The following STX3 variants were observed in gnomAD, a reference collection of about 807,000 sequenced individuals.
STX3 encodes the protein syntaxin 3.
A neutral mutation model predicts 40.2 loss-of-function variants in STX3; 19 were observed. The observed-to-expected ratio is 0.47, with a 90% CI of 0.33 to 0.69. The LOEUF is 0.69. Among genes scored for constraint, STX3 ranks in the 30% least tolerant of loss-of-function variants. STX3 has a pLI of 0.02. For missense variants in STX3, 364 were observed against 366.7 expected, an observed-to-expected ratio of 0.99 and a Z score of 0.06; for synonymous variants, 122 against 132.2, an observed-to-expected ratio of 0.92 and a Z score of 0.53.
At chr11:59,786,364 C>G (rs546811439) in intron 2 of STX3, among the ~76,000 whole-genome samples, 1 of 150,804 alleles carries the variant, frequency 6.6e-6, no homozygotes, top group African/African-American at 2.4e-5. Context: ...CTCAGCCTCC[C>G]GAGTAGCTGG....
rs963410109 is a variant in STX3, at chr11:59,781,100, T to TTTTATATATA, written c.115-5936_115-5935insTTATATATAT. ...CATTTGTTTTCTTTTTTTTTTTTTT[T>TTTTATATATA]TATATTAGCACAAACACATTTATTT... is the stretch of plus-strand genomic sequence containing the variant. On this transcript the variant is annotated intron_variant, in intron 2 of 10. Coordinates refer to ENST00000337979, the MANE Select transcript of STX3 (RefSeq NM_004177.5). Among the ~76,000 whole-genome samples the TTTTATATATA allele has an allele frequency of 4.5e-3, 653 of 146,352 alleles. 4 individuals are homozygous for TTTTATATATA. The highest frequency in any genetic ancestry group is 6.1e-3 in the African/African-American group (235 of 38,736).
chr11:59,773,303 C>G lies in STX3; in HGVS notation c.114+9C>G, dbSNP rs753186354. Reference sequence around the variant, plus strand: ...ACGAGTTCTTTTCTGAGGTAGGCAACCTTCCTGTATTTTTTTCTAAATGTA... The same window carrying G: ...ACGAGTTCTTTTCTGAGGTAGGCAAGCTTCCTGTATTTTTTTCTAAATGTA... On this transcript the variant is annotated intron_variant, in intron 2 of 10. Coordinates refer to ENST00000337979, the MANE Select transcript of STX3 (RefSeq NM_004177.5). The G allele has an allele frequency of 1.9e-6, 3 of 1,613,634 alleles. No homozygotes were observed. Among genetic ancestry groups the G allele is most frequent in the Non-Finnish European group, 2.5e-6 (3 of 1,179,714 alleles).
chr11:59,766,636 A>G (rs532559542), intron 1 of STX3, among the ~76,000 whole-genome samples: 6 of 152,328 alleles, frequency 3.9e-5, no homozygotes, highest in Admixed American at 2.0e-4. Flanking sequence ...ATGGAAACAA[A>G]TGTTGTCCCC....
At chr11:59,789,942 T>C (rs918243846) in intron 4 of STX3, among the ~76,000 whole-genome samples, 3 of 152,216 alleles carry the variant, frequency 2.0e-5, no homozygotes, top group African/African-American at 4.8e-5. Flanking sequence ...GTTCTGTTGC[T>C]AGAGCCTGCA....
chr11:59,778,045 C>T (rs1482824414), intron 2 of STX3, among the ~76,000 whole-genome samples: 2 of 152,126 alleles, frequency 1.3e-5, no homozygotes, highest in Non-Finnish European at 2.9e-5. Flanking sequence ...TTGGGCTTCT[C>T]GTAGCTGGCC....
intron 9 of STX3, among the ~76,000 whole-genome samples, chr11:59,797,043 C>G (rs897108261): frequency 6.6e-6 from 1 of 151,986 alleles, no homozygotes; most frequent in African/African-American, 2.4e-5. Flanking sequence ...CCCAGGAGGT[C>G]GAGGCTGCAG....
chr11:59,799,006 C>G (rs967881177), intron 10 of STX3, among the ~76,000 whole-genome samples: 5 of 152,202 alleles, frequency 3.3e-5, no homozygotes, highest in African/African-American at 1.2e-4. Context: ...CCTTCCGCCT[C>G]AGCCTTCTGA....
intron 1 of STX3, among the ~76,000 whole-genome samples, chr11:59,756,164 TC>T (rs991749334): frequency 4.0e-5 from 6 of 148,528 alleles, no homozygotes; most frequent in East Asian, 2.0e-4. Context: ...GGTGTCATTG[TC>T]CCCCCCTCCC....
intron 2 of STX3, among the ~76,000 whole-genome samples, chr11:59,784,671 G>A (rs1412070420): frequency 6.6e-6 from 1 of 152,120 alleles, no homozygotes; most frequent in Non-Finnish European, 1.5e-5. Context: ...GCTTGTGCAG[G>A]GAAACTCCTG....
chr11:59,779,802 G>T (rs1261726035), intron 2 of STX3, among the ~76,000 whole-genome samples: 1 of 152,184 alleles, frequency 6.6e-6, no homozygotes, highest in African/African-American at 2.4e-5. Flanking sequence ...TACCTGGCTG[G>T]AGGAGCTGTG....
intron 6 of STX3, 80 bp downstream of exon 6, chr11:59,792,295 G>A: frequency 8.4e-7 from 1 of 1,191,652 alleles, no homozygotes; most frequent in South Asian, 1.3e-5. Flanking sequence ...GGCCCTGGTG[G>A]AGCAAGCAGG....
At chr11:59,770,421 A>C (rs1023160667) in intron 1 of STX3, among the ~76,000 whole-genome samples, 1 of 151,638 alleles carries the variant, frequency 6.6e-6, no homozygotes, top group Non-Finnish European at 1.5e-5. Context: ...GGGTATATGT[A>C]TGTATACAGA....
At chr11:59,788,171 C>T (rs1167512422) in intron 3 of STX3, among the ~76,000 whole-genome samples, 1 of 152,214 alleles carries the variant, frequency 6.6e-6, no homozygotes, top group Non-Finnish European at 1.5e-5. Flanking sequence ...CAGTCCTGCT[C>T]ATCTCCATCT....
intron 5 of STX3, among the ~76,000 whole-genome samples, chr11:59,790,943 A>G (rs1161966204): frequency 6.6e-6 from 1 of 152,206 alleles, no homozygotes; most frequent in Non-Finnish European, 1.5e-5. Flanking sequence ...GTCATCAAAG[A>G]TAGGATCCTT....
chr11:59,789,308 G>A (rs1590812300), intron 4 of STX3: 1 of 195,392 alleles, frequency 5.1e-6, no homozygotes, highest in East Asian at 1.6e-4. Flanking sequence ...GAGTGCAGTG[G>A]TGTGATCTCG....
At chr11:59,773,417 G>T in intron 2 of STX3, 123 bp downstream of exon 2, 1 of 813,976 alleles carries the variant, frequency 1.2e-6, no homozygotes, top group Non-Finnish European at 2.0e-6. Flanking sequence ...TGCTAGGGTG[G>T]GATGGCCAGA....
In STX3 at chr11:59,802,493, T is replaced by G. The variant is rs1865923606; in HGVS notation, c.*1669T>G. The G allele has an allele frequency of 2.0e-6, 2 of 985,764 alleles. No homozygotes were observed. Among genetic ancestry groups the G allele is most frequent in the Admixed American group, 1.2e-4 (2 of 16,264 alleles). 61.1% of individuals were successfully genotyped at this position (985,764 alleles called of 1,614,324 possible). A position where few individuals can be genotyped will look rare whatever the true frequency, so the allele number is the denominator to read the frequency against. Reference sequence around the variant, plus strand: ...AGACAGAGCCAAGGCAATATCCTCTTGCCCATGGCTATGATGTCAGACAGT... The same window carrying G: ...AGACAGAGCCAAGGCAATATCCTCTGGCCCATGGCTATGATGTCAGACAGT... On this transcript the variant is annotated 3_prime_UTR_variant, in exon 11 of 11. Coordinates refer to ENST00000337979, the MANE Select transcript of STX3 (RefSeq NM_004177.5).
In STX3 at chr11:59,803,259, C is replaced by A; in HGVS notation, c.*2435C>A. The A allele has an allele frequency of 8.1e-7, 1 of 1,231,696 alleles. No individual in the cohort carries two copies. Among genetic ancestry groups the A allele is most frequent in the Non-Finnish European group, 1.0e-6 (1 of 987,956 alleles). 76.3% of individuals were successfully genotyped at this position (1,231,696 alleles called of 1,614,324 possible). A position where few individuals can be genotyped will look rare whatever the true frequency, so the allele number is the denominator to read the frequency against. Reference sequence around the variant, plus strand: ...TGATCTGCTGTATTATCCTTGCGATCATCTTAGCTTCCACCATTGGGAGCA... The same window carrying A: ...TGATCTGCTGTATTATCCTTGCGATAATCTTAGCTTCCACCATTGGGAGCA... On this transcript the variant is annotated 3_prime_UTR_variant, in exon 11 of 11. Coordinates refer to ENST00000337979, the MANE Select transcript of STX3 (RefSeq NM_004177.5).
intron 2 of STX3, among the ~76,000 whole-genome samples, chr11:59,774,183 G>A (rs1197545730): frequency 6.6e-6 from 1 of 152,118 alleles, no homozygotes; most frequent in Non-Finnish European, 1.5e-5. Context: ...TGTAGAGGCA[G>A]TAGTATATCG....
Sources: allele counts gnomAD v4.1 joint callset (sites outside exome capture counted in the v4.1 genomes callset), GRCh38; gene constraint gnomAD v4.1.1; transcripts MANE v1.5; gene names NCBI Gene and HGNC (gene_info 2026-07-23, HGNC 2026-07-21).